RCAN3: variants seen among roughly 807,000 people sequenced by gnomAD.
RCAN3 encodes the protein calcipressin-3.
In RCAN3, 19 loss-of-function variants were observed where a neutral mutation model predicts 21.9. The observed-to-expected ratio is 0.87, with a 90% CI of 0.61 to 1.27. The LOEUF (loss-of-function observed/expected upper bound fraction) is 1.27, where lower values mean the gene tolerates loss of function less well. Among genes scored for constraint, RCAN3 ranks in the 50% most tolerant of loss-of-function variants. The pLI is 0.00. For synonymous variants in RCAN3, 114 were observed against 112.3 expected (o/e 1.01, Z -0.09); for missense variants, 240 against 300.1 (o/e 0.80, Z 1.48).
At chr1:24,529,137 G>T (rs1192266196) in intron 2 of RCAN3, among the ~76,000 whole-genome samples, 3 of 152,218 alleles carry the variant, frequency 2.0e-5, no homozygotes, top group Admixed American at 6.5e-5. Context: ...AACTGGCGCA[G>T]TTGCTCACGT....
intron 2 of RCAN3, among the ~76,000 whole-genome samples, chr1:24,527,957 T>C (rs1431099713): frequency 6.6e-6 from 1 of 152,140 alleles, no homozygotes; most frequent in Admixed American, 6.5e-5. Flanking sequence ...TTTCTTTTTC[T>C]CTAGTCCATC....
rs1650405991 is a variant in RCAN3, at chr1:24,539,671, A to G, written c.*4394A>G. The G allele has an allele frequency of 6.6e-6, 1 of 152,262 alleles. No individual in the cohort carries two copies. Among genetic ancestry groups the G allele is most frequent in the Non-Finnish European group, 1.5e-5 (1 of 68,046 alleles). The allele number at this position is 152,262 out of a possible 1,614,324, so 9.4% of individuals were successfully genotyped here. On this transcript the variant is annotated 3_prime_UTR_variant, in exon 5 of 5. Coordinates refer to ENST00000374395, the MANE Select transcript of RCAN3 (RefSeq NM_013441.4). ...CATATTTTTATACAGACTATTTCACAGACCATAGATTTATTTTAAAAGGGA... is the reference window on the plus strand; with the variant it reads ...CATATTTTTATACAGACTATTTCACGGACCATAGATTTATTTTAAAAGGGA...
chr1:24,508,683 G>A (rs1647645605), intron 1 of RCAN3, among the ~76,000 whole-genome samples: 2 of 152,138 alleles, frequency 1.3e-5, no homozygotes, highest in African/African-American at 4.8e-5. Flanking sequence ...TCAACTACAG[G>A]CTTGTTCGGG....
chr1:24,534,714 C>T (rs867571408), intron 4 of RCAN3, among the ~76,000 whole-genome samples: 8 of 151,830 alleles, frequency 5.3e-5, no homozygotes, highest in South Asian at 2.1e-4. Context: ...GCAGGAGAAT[C>T]GCTTGAACCT....
At position 24,508,373 on chromosome 1, in the gene RCAN3, G is replaced by A. The variant is rs182416187; in HGVS notation, c.-60+5223G>A. Among the ~76,000 whole-genome samples the A allele has an allele frequency of 1.9e-3, 284 of 152,326 alleles. 1 individual carries two copies. The highest frequency in any genetic ancestry group is 6.4e-3 in the African/African-American group (266 of 41,576). On this transcript the variant is annotated intron_variant, in intron 1 of 4. Coordinates refer to ENST00000374395, the MANE Select transcript of RCAN3 (RefSeq NM_013441.4). ...TCATCCTGTCTTAAGGTCGTTGCAC[G>A]AAATGAGAGCCAGTATTGACACAGG...
chr1:24,522,457 A>G (rs1033468609), intron 2 of RCAN3, among the ~76,000 whole-genome samples: 2 of 152,232 alleles, frequency 1.3e-5, no homozygotes, highest in Non-Finnish European at 2.9e-5. Context: ...CCGGTGAATA[A>G]GCTCCTCTGT....
chr1:24,505,152 C>T (rs939425592), intron 1 of RCAN3, among the ~76,000 whole-genome samples: 9 of 148,476 alleles, frequency 6.1e-5, no homozygotes, highest in South Asian at 2.1e-4. Flanking sequence ...GGTAGGGCTT[C>T]GTGATAGCCG....
In RCAN3 at chr1:24,535,358, C is replaced by T. The variant is rs1315481972; in HGVS notation, c.*81C>T. 2.6e-5 allele frequency: 37 copies of T among 1,437,828 alleles called. No individual in the cohort carries two copies. The highest frequency in any genetic ancestry group is 3.3e-5 in the Non-Finnish European group (36 of 1,085,604). 89.1% of individuals were successfully genotyped at this position (1,437,828 alleles called of 1,614,324 possible). On this transcript the variant is annotated 3_prime_UTR_variant, in exon 5 of 5. Coordinates refer to ENST00000374395, the MANE Select transcript of RCAN3 (RefSeq NM_013441.4). ...TGTGCCTGCGGCCGATGCGTTGCTG[C>T]GAACAGCATAGGTGAGACTCTGCCG...
rs1163969213 is a variant in RCAN3 at position 24,535,223 on chromosome 1, C to T, written c.672C>T (p.Pro224=). The T allele has an allele frequency of 3.2e-6, 5 of 1,583,724 alleles. No homozygotes were observed. Among genetic ancestry groups the T allele is most frequent in the African/African-American group, 1.4e-5 (1 of 72,502 alleles). The change falls in exon 5 of 5, where the codon CCC becomes CCT. Residue 224 remains proline (P), a synonymous_variant. Coordinates refer to ENST00000374395, the MANE Select transcript of RCAN3 (RefSeq NM_013441.4). Reference sequence around the variant, plus strand: ...AGAAAATTGCCCAGACGAGGCGCCCCGACCCTCCGACCGCAGCGTTGAATG... The same window carrying T: ...AGAAAATTGCCCAGACGAGGCGCCCTGACCCTCCGACCGCAGCGTTGAATG... ...PKQKIAQTRR[P]DPPTAALNEP...
At position 24,533,340 on chromosome 1, in the gene RCAN3, T is replaced by C. The variant is rs575744924; in HGVS notation, c.541+86T>C. ...TTCAGCAGTGTGCATTGTGGCAGTA[T>C]GATTAGAGCAGAGGATAAAGTCAAA... On this transcript the variant is annotated intron_variant, in intron 4 of 4. Coordinates refer to ENST00000374395, the MANE Select transcript of RCAN3 (RefSeq NM_013441.4). The C allele has an allele frequency of 9.0e-6, 10 of 1,110,228 alleles. No homozygotes were observed. The African/African-American group carries it at 1.3e-4, about 14-fold the overall frequency. The allele number at this position is 1,110,228 out of a possible 1,614,324, so 68.8% of individuals were successfully genotyped here. A position where few individuals can be genotyped will look rare whatever the true frequency, so the allele number is the denominator to read the frequency against.
intron 2 of RCAN3, among the ~76,000 whole-genome samples, chr1:24,515,427 GGTGTGTGTGT>G (rs67348372): frequency 0.46 from 66,669 of 146,306 alleles, 15,026 homozygotes; most frequent in East Asian, 0.64. Flanking sequence ...TAGAAAGAGA[GGTGTGTGTGT>G]GTGTGTGTGT....
chr1:24,506,023 T>C (rs1248530079), intron 1 of RCAN3, among the ~76,000 whole-genome samples: 1 of 152,144 alleles, frequency 6.6e-6, no homozygotes, highest in African/African-American at 2.4e-5. Flanking sequence ...GATATTTCCA[T>C]GAAGAAACAA....
At chr1:24,509,579 GTCACATCTTTAGGC>G (rs1647721077) in intron 1 of RCAN3, among the ~76,000 whole-genome samples, 2 of 152,318 alleles carry the variant, frequency 1.3e-5, no homozygotes, top group Non-Finnish European at 2.9e-5. Context: ...CAGGAATTCA[GTCACATCTTTAGGC>G]TCCGCTTCTA....
intron 1 of RCAN3, among the ~76,000 whole-genome samples, chr1:24,509,838 C>T (rs954183538): frequency 2.6e-5 from 4 of 152,206 alleles, no homozygotes; most frequent in African/African-American, 9.7e-5. Flanking sequence ...ATTGCTATCT[C>T]TGGCAGCTGT....
intron 2 of RCAN3, among the ~76,000 whole-genome samples, chr1:24,518,991 G>T (rs1203718056): frequency 6.6e-6 from 1 of 152,068 alleles, no homozygotes; most frequent in South Asian, 2.1e-4. Flanking sequence ...GGCCAGGCTG[G>T]TATCAAACTC....
chr1:24,537,958 A>G lies in RCAN3; in HGVS notation c.*2681A>G, dbSNP rs754544250. On this transcript the variant is annotated 3_prime_UTR_variant, in exon 5 of 5. Transcript: ENST00000374395. Reference sequence around the variant, plus strand: ...AGTAGCCATGTTTTCTTTAGAAATCATAACCTCTTCATGGGAATCAAACTA... The same window carrying G: ...AGTAGCCATGTTTTCTTTAGAAATCGTAACCTCTTCATGGGAATCAAACTA... 1 of 152,276 alleles carries G rather than the reference A, an allele frequency of 6.6e-6. No individual in the cohort carries two copies. The highest frequency in any genetic ancestry group is 2.4e-5 in the African/African-American group (1 of 41,468). 9.4% of individuals were successfully genotyped at this position (152,276 alleles called of 1,614,324 possible). A position where few individuals can be genotyped will look rare whatever the true frequency, so the allele number is the denominator to read the frequency against.
At chr1:24,524,243 A>G (rs1295802449) in intron 2 of RCAN3, among the ~76,000 whole-genome samples, 1 of 152,182 alleles carries the variant, frequency 6.6e-6, no homozygotes, top group East Asian at 1.9e-4. Context: ...AAGGAGTTCC[A>G]ATAAGTCAGA....
chr1:24,514,968 CAAA>C (rs36023468), intron 2 of RCAN3, among the ~76,000 whole-genome samples: 36 of 136,796 alleles, frequency 2.6e-4, no homozygotes, highest in East Asian at 1.2e-3. Context: ...GACTCTGTCT[CAAA>C]AAAAAAAAAA....
rs778976370 is a variant in RCAN3 at position 24,535,294 on chromosome 1, G to A, written c.*17G>A. 1.4e-5 allele frequency: 21 copies of A among 1,516,406 alleles called. No homozygotes were observed. Among genetic ancestry groups the A allele is most frequent in the Non-Finnish European group, 1.8e-5 (21 of 1,139,494 alleles). 93.9% of individuals were successfully genotyped at this position (1,516,406 alleles called of 1,614,324 possible). A position where few individuals can be genotyped will look rare whatever the true frequency, so the allele number is the denominator to read the frequency against. On this transcript the variant is annotated 3_prime_UTR_variant, in exon 5 of 5. Transcript: ENST00000374395. Reference sequence around the variant, plus strand: ...GCGCTGTGAGGCCCTTGGTTGTGGTGCGAGGCGGCTGCCCTGGTGGGCTCT... The same window carrying A: ...GCGCTGTGAGGCCCTTGGTTGTGGTACGAGGCGGCTGCCCTGGTGGGCTCT...
Sources: allele counts gnomAD v4.1 joint callset (sites outside exome capture counted in the v4.1 genomes callset), GRCh38; gene constraint gnomAD v4.1.1; transcripts MANE v1.5; gene names NCBI Gene and HGNC (gene_info 2026-07-23, HGNC 2026-07-21).